Variants in KIF15 observed in about 807,000 individuals in gnomAD.
KIF15 encodes the protein kinesin family member 15.
Under a neutral mutation model 190.6 loss-of-function variants are expected in KIF15, and 140 were observed. That is an observed-to-expected ratio of 0.73 (90% CI 0.64 to 0.84). KIF15 has a LOEUF of 0.84. KIF15 is among the 40% of genes least tolerant of loss of function. The pLI is 0.00. For synonymous variants in KIF15, 528 were observed against 551.3 expected (o/e 0.96, Z 0.59); for missense variants, 1,372 against 1,584.4 (o/e 0.87, Z 2.28).
At chr3:44,868,651 A>C (rs566988247) in intron 6 of KIF15, among the ~76,000 whole-genome samples, 3 of 152,328 alleles carry the variant, frequency 2.0e-5, no homozygotes, top group South Asian at 2.1e-4. Context: ...CCCAGCCTGC[A>C]GAACTGTGAG....
intron 30 of KIF15, among the ~76,000 whole-genome samples, chr3:44,846,225 G>A (rs375902980): frequency 6.6e-6 from 1 of 152,304 alleles, no homozygotes; most frequent in South Asian, 2.1e-4. Flanking sequence ...TGTGAACTCA[G>A]CCAAGCACAG....
intron 1 of KIF15, among the ~76,000 whole-genome samples, chr3:44,773,321 C>T (rs1197372794): frequency 6.6e-6 from 1 of 152,158 alleles, no homozygotes; most frequent in East Asian, 1.9e-4. Context: ...GGGGCTTGAA[C>T]CTAGCTGGGC....
chr3:44,865,205 T>G (rs529280161), intron 6 of KIF15: 1 of 1,613,878 alleles, frequency 6.2e-7, no homozygotes, highest in African/African-American at 1.3e-5. Context: ...ACGGACCAGC[T>G]GGAAAGATCA....
Position 44,828,221 on chromosome 3 carries a change from AAGTAC to A in KIF15, c.2867_2871del (p.Val956GlufsTer10). ...ATTTCTTTTTCACCATAGATGGCAA[AAGTAC>A]AGAAACTAGAAGAGAGCTTGCTTGC... On this transcript the variant is annotated frameshift_variant, in exon 24 of 35. Transcript: ENST00000326047. LOFTEE classifies it high-confidence loss of function. 6.2e-7 allele frequency: 1 copy of A among 1,612,316 alleles called. No individual in the cohort carries two copies. Among genetic ancestry groups the A allele is most frequent in the South Asian group, 1.1e-5 (1 of 90,914 alleles).
At chr3:44,827,572 C>G (rs755834762) in intron 23 of KIF15, 44 bp downstream of exon 23, 1 of 1,248,052 alleles carries the variant, frequency 8.0e-7, no homozygotes, top group South Asian at 1.3e-5. Context: ...AAGTTTATAA[C>G]TTTTATTCCT....
At chr3:44,821,507 C>T (rs1697314384) in intron 20 of KIF15, among the ~76,000 whole-genome samples, 2 of 151,252 alleles carry the variant, frequency 1.3e-5, no homozygotes, top group Non-Finnish European at 1.5e-5. Context: ...CAGAGGCGCT[C>T]CCCACATCTC....
In KIF15 at chr3:44,840,385, A is replaced by C; in HGVS notation, c.3349A>C (p.Lys1117Gln). Residue 1117 changes from lysine (K) to glutamine (Q), a missense_variant, in exon 28 of 35, where the codon AAG becomes CAG. By Grantham distance (53) the Lys-to-Gln change is moderately conservative. Coordinates refer to ENST00000326047, the MANE Select transcript of KIF15 (RefSeq NM_020242.3). ...LNQKKEEVEQKKNEYNFKMRQ... is the reference protein window; with the variant it reads ...LNQKKEEVEQQKNEYNFKMRQ... ...CCAAAAGAAAGAGGAAGTAGAACAG[A>C]AGAAGAATGAATATAACTTCAAAAT... 6.2e-7 allele frequency: 1 copy of C among 1,610,716 alleles called. No homozygotes were observed. The highest frequency in any genetic ancestry group is 8.5e-7 in the Non-Finnish European group (1 of 1,178,526).
At chr3:44,820,399 G>A (rs1708215344) in intron 20 of KIF15, among the ~76,000 whole-genome samples, 1 of 151,658 alleles carries the variant, frequency 6.6e-6, no homozygotes. Flanking sequence ...TTCTCACAGA[G>A]GGGGATTTGG....
intron 33 of KIF15, 31 bp from the exon 34 acceptor site, chr3:44,852,177 A>C (rs756535727): frequency 3.8e-6 from 6 of 1,587,488 alleles, no homozygotes; most frequent in Non-Finnish European, 4.3e-6. Context: ...CCTACTTCTC[A>C]TTTTTCCCTC....
At chr3:44,856,538 T>A (rs138003536), downstream of KIF15, among the ~76,000 whole-genome samples, 1 of 152,218 alleles carries the variant, frequency 6.6e-6, no homozygotes, top group Non-Finnish European at 1.5e-5. Context: ...CCATTTGCCT[T>A]GTGTGGGGAG....
chr3:44,829,584 ATATT>A (rs1280108846), intron 24 of KIF15, among the ~76,000 whole-genome samples: 376 of 123,704 alleles, frequency 3.0e-3, no homozygotes, highest in Non-Finnish European at 4.9e-3. Context: ...ATATATGTAT[ATATT>A]ATATATTATA....
At chr3:44,844,177 T>A (rs115436496) in intron 30 of KIF15, among the ~76,000 whole-genome samples, 2,839 of 152,320 alleles carry the variant, frequency 0.019, 76 homozygotes, top group African/African-American at 0.064. Flanking sequence ...CTCCTGCAGC[T>A]CCCTGGCCCT....
In KIF15 at chr3:44,801,209, G is replaced by A. The variant is rs868623439; in HGVS notation, c.1223-241G>A. 7.1e-5 allele frequency among the ~76,000 whole-genome samples: 9 copies of A among 127,628 alleles called. 1 individual carries two copies. The highest frequency in any genetic ancestry group is 4.0e-3 in the Middle Eastern group (1 of 248). 83.7% of individuals were successfully genotyped at this position (127,628 alleles called of 152,430 possible). ...ATTTTTAGTAGAGATCGGGGGCGGC[G>A]GGAGGGGGGGGTCTCACCATGTTGG... On this transcript the variant is annotated intron_variant, in intron 11 of 34. Coordinates refer to ENST00000326047, the MANE Select transcript of KIF15 (RefSeq NM_020242.3).
intron 26 of KIF15, among the ~76,000 whole-genome samples, chr3:44,835,717 A>C (rs76304484): frequency 0.063 from 9,644 of 152,292 alleles, 329 homozygotes; most frequent in Middle Eastern, 0.095. Flanking sequence ...TTGAACATCC[A>C]CAAATAGAGA....
intron 7 of KIF15, among the ~76,000 whole-genome samples, chr3:44,788,631 G>A (rs1418673044): frequency 6.6e-6 from 1 of 151,776 alleles, no homozygotes; most frequent in African/African-American, 2.4e-5. Context: ...ATTTTTGAAT[G>A]TTTTTGTAGA....
chr3:44,791,835 A>C (rs377615790), intron 7 of KIF15, among the ~76,000 whole-genome samples: 76 of 152,226 alleles, frequency 5.0e-4, no homozygotes, highest in African/African-American at 1.8e-3. Flanking sequence ...CTCCTGCCTC[A>C]GCCTCCCGAG....
intron 18 of KIF15, among the ~76,000 whole-genome samples, chr3:44,812,563 A>G (rs765376015): frequency 1.3e-5 from 2 of 152,220 alleles, no homozygotes; most frequent in Non-Finnish European, 2.9e-5. Context: ...ATCCCTTGCT[A>G]TGTGTTTAGA....
At chr3:44,830,390 G>GT (rs1410907607) in intron 25 of KIF15, among the ~76,000 whole-genome samples, 2 of 152,208 alleles carry the variant, frequency 1.3e-5, no homozygotes, top group African/African-American at 4.8e-5. Flanking sequence ...GTTGCTGGCC[G>GT]TAACAGTTAA....
chr3:44,780,525 A>G (rs770380280), intron 4 of KIF15, among the ~76,000 whole-genome samples: 11 of 152,232 alleles, frequency 7.2e-5, no homozygotes, highest in Non-Finnish European at 1.2e-4. Flanking sequence ...GCTATTAAAA[A>G]TAATGAGGCA....
Sources: gnomAD v4.1 joint callset for allele counts (sites outside exome capture counted in the v4.1 genomes callset) on GRCh38, gnomAD v4.1.1 for gene constraint, MANE v1.5 for transcripts, NCBI Gene and HGNC (gene_info 2026-07-23, HGNC 2026-07-21) for gene names.